The following GNA14 variants were observed in gnomAD, a reference collection of about 807,000 sequenced individuals.
GNA14 encodes the protein guanine nucleotide-binding protein subunit alpha-14.
GNA14 carries 50 observed loss-of-function variants against 42.0 expected under a neutral mutation model. The ratio of observed to expected loss-of-function variants is 1.19; its 90% CI spans 0.95 to 1.51. GNA14 has a LOEUF of 1.51. Ranked by LOEUF, GNA14 falls within the 40% of genes most tolerant of loss-of-function variation. The pLI is 0.00. For synonymous variants in GNA14, 173 were observed against 163.1 expected, an observed-to-expected ratio of 1.06 and a Z score of -0.46; for missense variants, 473 against 446.2, an observed-to-expected ratio of 1.06 and a Z score of -0.54.
chr9:77,507,375 T>C (rs1837089107), intron 2 of GNA14, among the ~76,000 whole-genome samples: 1 of 152,228 alleles, frequency 6.6e-6, no homozygotes, highest in South Asian at 2.1e-4. Flanking sequence ...TGAAAGATAC[T>C]TGGTTCCCTT....
At chr9:77,542,157 G>A (rs901075677) in intron 1 of GNA14, among the ~76,000 whole-genome samples, 1 of 152,124 alleles carries the variant, frequency 6.6e-6, no homozygotes, top group African/African-American at 2.4e-5. Flanking sequence ...CCAAGTTTTT[G>A]AATTTGTTTT....
intron 2 of GNA14, among the ~76,000 whole-genome samples, chr9:77,476,495 G>A (rs981909055): frequency 2.6e-5 from 4 of 152,132 alleles, no homozygotes; most frequent in African/African-American, 9.7e-5. Flanking sequence ...GGAGTGTAGA[G>A]GGTCCACATA....
intron 1 of GNA14, among the ~76,000 whole-genome samples, chr9:77,641,278 G>A (rs2118035022): frequency 6.6e-6 from 1 of 151,922 alleles, no homozygotes; most frequent in African/African-American, 2.4e-5. Context: ...GTTATAGATT[G>A]GATCAACTGG....
chr9:77,443,224 A>G (rs113859622), intron 2 of GNA14, among the ~76,000 whole-genome samples: 2,262 of 152,360 alleles, frequency 0.015, 25 homozygotes, highest in Non-Finnish European at 0.023. Context: ...TGCATTCAAA[A>G]TAACTGTAGA....
intron 1 of GNA14, among the ~76,000 whole-genome samples, chr9:77,536,329 G>T (rs1248771599): frequency 6.6e-6 from 1 of 151,900 alleles, no homozygotes; most frequent in African/African-American, 2.4e-5. Flanking sequence ...AAAATATGTT[G>T]TATTATTTTT....
chr9:77,594,644 A>C (rs1304367103), intron 1 of GNA14, among the ~76,000 whole-genome samples: 1 of 152,172 alleles, frequency 6.6e-6, no homozygotes, highest in Non-Finnish European at 1.5e-5. Flanking sequence ...TTGAAAGTGT[A>C]ATGGTTTGGC....
rs184591081 is a variant in GNA14, at chr9:77,425,793, C to T, written c.724-78G>A. On this transcript the variant is annotated intron_variant, in intron 5 of 6. Transcript: ENST00000341700. ...ACAACATGGCGCATTGCCAGTCCAT[C>T]CATCTCTTCCCTTGCCCCGCCGCAG... 1.1e-4 allele frequency: 113 copies of T among 1,042,010 alleles called. No individual in the cohort carries two copies. The East Asian group carries it at 2.9e-3, about 26-fold the overall frequency. 64.5% of individuals were successfully genotyped at this position (1,042,010 alleles called of 1,614,324 possible). A position where few individuals can be genotyped will look rare whatever the true frequency, so the allele number is the denominator to read the frequency against.
intron 1 of GNA14, among the ~76,000 whole-genome samples, chr9:77,623,093 T>C (rs146474924): frequency 2.9e-3 from 440 of 150,336 alleles, no homozygotes; most frequent in African/African-American, 0.01. Flanking sequence ...CATGCGCCTG[T>C]AGTTCCAGCT....
At chr9:77,482,045 T>A (rs1349957653) in intron 2 of GNA14, among the ~76,000 whole-genome samples, 3 of 152,224 alleles carry the variant, frequency 2.0e-5, no homozygotes, top group Non-Finnish European at 4.4e-5. Context: ...TTTAGCCCAT[T>A]TACATTTAAA....
chr9:77,448,546 T>C (rs1476974354), intron 2 of GNA14, among the ~76,000 whole-genome samples: 1 of 152,246 alleles, frequency 6.6e-6, no homozygotes, highest in Non-Finnish European at 1.5e-5. Context: ...TGACTTTTGA[T>C]ATTTTCCATT....
intron 1 of GNA14, among the ~76,000 whole-genome samples, chr9:77,569,194 C>T (rs112767589): frequency 0.021 from 3,217 of 152,008 alleles, 50 homozygotes; most frequent in Middle Eastern, 0.068. Context: ...AAGGTTCCCT[C>T]CCCGCAGAAG....
At chr9:77,585,991 C>T (rs1276479268) in intron 1 of GNA14, among the ~76,000 whole-genome samples, 1 of 152,038 alleles carries the variant, frequency 6.6e-6, no homozygotes, top group Non-Finnish European at 1.5e-5. Flanking sequence ...ATTTATTTTC[C>T]AGGCAGTCTT....
chr9:77,485,050 G>A (rs183774864), intron 2 of GNA14, among the ~76,000 whole-genome samples: 26 of 152,254 alleles, frequency 1.7e-4, no homozygotes, highest in Admixed American at 1.3e-4. Context: ...TCTTAAGGCA[G>A]CAATGAAGTT....
At chr9:77,635,516 T>C (rs534638189) in intron 1 of GNA14, among the ~76,000 whole-genome samples, 5 of 152,308 alleles carry the variant, frequency 3.3e-5, no homozygotes, top group African/African-American at 1.2e-4. Context: ...AGTTTTGACA[T>C]AGTATTTGAA....
At chr9:77,561,834 G>A (rs765131937) in intron 1 of GNA14, among the ~76,000 whole-genome samples, 1 of 152,184 alleles carries the variant, frequency 6.6e-6, no homozygotes, top group Non-Finnish European at 1.5e-5. Flanking sequence ...TTTTCCTTCA[G>A]CTGACTAATT....
At chr9:77,585,193 T>C (rs916318819) in intron 1 of GNA14, among the ~76,000 whole-genome samples, 4 of 152,148 alleles carry the variant, frequency 2.6e-5, no homozygotes, top group African/African-American at 7.2e-5. Context: ...AGAGTGCGTA[T>C]GAGACCAGAA....
At chr9:77,588,098 C>A (rs1432761860) in intron 1 of GNA14, among the ~76,000 whole-genome samples, 1 of 152,108 alleles carries the variant, frequency 6.6e-6, no homozygotes, top group Non-Finnish European at 1.5e-5. Flanking sequence ...TTATAAGGAC[C>A]CTTGTATTAC....
At chr9:77,551,449 A>T (rs1417890994) in intron 1 of GNA14, among the ~76,000 whole-genome samples, 2 of 152,106 alleles carry the variant, frequency 1.3e-5, no homozygotes, top group African/African-American at 4.8e-5. Flanking sequence ...TGCAGCAGGC[A>T]CAAAACTAGT....
intron 1 of GNA14, among the ~76,000 whole-genome samples, chr9:77,621,100 A>G (rs114365582): frequency 0.028 from 4,216 of 151,708 alleles, 165 homozygotes; most frequent in African/African-American, 0.082. Flanking sequence ...TGTTCAGTCA[A>G]TTTTTATACT....
Sources: gnomAD v4.1 joint callset for allele counts (sites outside exome capture counted in the v4.1 genomes callset) on GRCh38, gnomAD v4.1.1 for gene constraint, MANE v1.5 for transcripts, NCBI Gene and HGNC (gene_info 2026-07-23, HGNC 2026-07-21) for gene names.